The following ZSWIM4 variants were observed in gnomAD, a reference collection of about 807,000 sequenced individuals.
ZSWIM4 encodes zinc finger SWIM domain-containing protein 4.
In ZSWIM4, 62 loss-of-function variants were observed where a neutral mutation model predicts 102.5. The observed-to-expected ratio is 0.60, with a 90% CI of 0.49 to 0.75. The LOEUF is 0.75. ZSWIM4 is among the 30% of genes least tolerant of loss of function. The pLI is 0.00. For missense variants in ZSWIM4, 1,280 were observed against 1,529.6 expected, an observed-to-expected ratio of 0.84 and a Z score of 2.72; for synonymous variants, 652 against 674.5, an observed-to-expected ratio of 0.97 and a Z score of 0.52.
intron 3 of ZSWIM4, among the ~76,000 whole-genome samples, chr19:13,805,429 C>A (rs904429608): frequency 1.3e-5 from 2 of 151,908 alleles, no homozygotes; most frequent in African/African-American, 4.8e-5. Context: ...GGTCTGGCCC[C>A]AGGGCTGGGT....
At chr19:13,799,290 T>C (rs948825289) in intron 1 of ZSWIM4, among the ~76,000 whole-genome samples, 81 of 129,846 alleles carry the variant, frequency 6.2e-4, no homozygotes, top group African/African-American at 1.9e-3. Context: ...TTTTTTTTTT[T>C]CGAGATGCAG....
chr19:13,811,208 G>C (rs556098624), intron 5 of ZSWIM4, among the ~76,000 whole-genome samples: 2 of 150,304 alleles, frequency 1.3e-5, no homozygotes, highest in East Asian at 4.1e-4. Flanking sequence ...CCACCGCACC[G>C]GCCAACATGT....
chr19:13,797,545 C>T (rs1008249132), intron 1 of ZSWIM4, among the ~76,000 whole-genome samples: 1 of 152,288 alleles, frequency 6.6e-6, no homozygotes, highest in African/African-American at 2.4e-5. Flanking sequence ...TTTTAGCTTC[C>T]CTAGGCCACA....
intron 2 of ZSWIM4, among the ~76,000 whole-genome samples, chr19:13,803,903 C>T (rs1974841762): frequency 6.7e-6 from 1 of 150,062 alleles, no homozygotes; most frequent in Non-Finnish European, 1.5e-5. Context: ...ATTCTGTTAC[C>T]CAGGCTGGAG....
At position 13,817,965 on chromosome 19, in the gene ZSWIM4, T is replaced by G. The variant is rs1568339454; in HGVS notation, c.1913T>G (p.Leu638Arg). The change falls in exon 9 of 14, where the codon CTG (leucine) becomes CGG (arginine). Residue 638 changes from leucine to arginine, a missense_variant. Physicochemically the swap from Leu to Arg is moderately radical, Grantham distance 102. Coordinates refer to ENST00000590508, the MANE Select transcript of ZSWIM4 (RefSeq NM_001367834.3). ...LVQVLRKQAG[L>R]LLEGGPFSGF... The stretch of plus-strand genomic sequence containing the variant: ...CAGGTGCTGCGCAAGCAGGCGGGGC[T>G]GCTGCTGGAAGGTGAGGCCGCGCCC... 1 of 1,512,768 alleles carries G rather than the reference T, an allele frequency of 6.6e-7. No individual in the cohort carries two copies. 93.7% of individuals were successfully genotyped at this position (1,512,768 alleles called of 1,614,324 possible).
At chr19:13,814,054 C>T (rs754717661) in intron 6 of ZSWIM4, among the ~76,000 whole-genome samples, 1 of 150,810 alleles carries the variant, frequency 6.6e-6, no homozygotes, top group Non-Finnish European at 1.5e-5. Context: ...AACACATACA[C>T]GCATCCTTTT....
chr19:13,796,895 T>C (rs1974626803), intron 1 of ZSWIM4: 1 of 152,416 alleles, frequency 6.6e-6, no homozygotes, highest in African/African-American at 2.4e-5. Flanking sequence ...CCTGGACGGA[T>C]GGGTTTGGGC....
At position 13,828,681 on chromosome 19, in the gene ZSWIM4, C is replaced by T. The variant is rs1426906948; in HGVS notation, c.2416C>T (p.Arg806Trp). The T allele has an allele frequency of 1.2e-6, 2 of 1,613,960 alleles. No homozygotes were observed. The highest frequency in any genetic ancestry group is 2.2e-5 in the East Asian group (1 of 44,890). ...RMTLNVMTWR[R>W]REMVRWLVSC... is the part of the protein sequence containing the mutation. ...GACTCTGAACGTAATGACCTGGCGG[C>T]GGAGGGAGATGGTGCGCTGGCTGGT... is the stretch of plus-strand genomic sequence containing the variant. The change falls in exon 13 of 14, where the codon CGG becomes TGG. Residue 806 changes from arginine to tryptophan, a missense_variant. Physicochemically the swap from Arg to Trp is moderately radical, Grantham distance 101 (BLOSUM62 -3). Coordinates refer to ENST00000590508, the MANE Select transcript of ZSWIM4 (RefSeq NM_001367834.3).
At position 13,830,775 on chromosome 19, in the gene ZSWIM4, C is replaced by T. The variant is rs776380959; in HGVS notation, c.3046C>T (p.Arg1016Cys). The T allele has an allele frequency of 9.3e-6, 15 of 1,605,036 alleles. No homozygotes were observed. In the South Asian group the frequency reaches 1.0e-4, roughly 11 times the overall value. ...GCCCGGTCTGGGCCCCTTAGGGGCA[C>T]GCCGGGCCGCCAAGCCACTGGGTGC... ...SAPGLGPLGA[R>C]RAAKPLGADR... Residue 1016 changes from arginine (R) to cysteine (C), a missense_variant, in exon 14 of 14, where the codon CGC (arginine) becomes TGC (cysteine). Coordinates refer to ENST00000590508, the MANE Select transcript of ZSWIM4 (RefSeq NM_001367834.3).
chr19:13,805,447 T>C (rs1974894364), intron 3 of ZSWIM4, among the ~76,000 whole-genome samples: 1 of 151,748 alleles, frequency 6.6e-6, no homozygotes, highest in Non-Finnish European at 1.5e-5. Context: ...GGTATGTCAA[T>C]AGATGGAGCA....
chr19:13,817,069 A>C, intron 7 of ZSWIM4, 147 bp from the exon 8 acceptor site: 1 of 1,155,676 alleles, frequency 8.7e-7, no homozygotes, highest in South Asian at 1.7e-5. Context: ...CCCCACCTCA[A>C]AAAAAAAAGT....
chr19:13,821,548 C>T (rs56199106), intron 10 of ZSWIM4, among the ~76,000 whole-genome samples: 1 of 151,808 alleles, frequency 6.6e-6, no homozygotes, highest in African/African-American at 2.4e-5. Context: ...CCATCTCTCT[C>T]TTTTTTTTGT....
At chr19:13,815,899 C>T (rs111495828) in intron 7 of ZSWIM4, among the ~76,000 whole-genome samples, 2,695 of 150,164 alleles carry the variant, frequency 0.018, 81 homozygotes, top group African/African-American at 0.063. Context: ...GCCAAGATTA[C>T]ACCACTGCAC....
rs1975773358 is a variant in ZSWIM4, at chr19:13,831,749, C to T, written c.*699C>T. 1 of 152,598 alleles carries T rather than the reference C, an allele frequency of 6.6e-6. No homozygotes were observed. The highest frequency in any genetic ancestry group is 2.4e-5 in the African/African-American group (1 of 41,452). 9.5% of individuals were successfully genotyped at this position (152,598 alleles called of 1,614,324 possible). A position where few individuals can be genotyped will look rare whatever the true frequency, so the allele number is the denominator to read the frequency against. ...GCGAGGCTCACACTGCCCCTTCCAA[C>T]CTGGGGTTGGGGGACACAGACGCGA... On this transcript the variant is annotated 3_prime_UTR_variant, in exon 14 of 14. Transcript: ENST00000590508.
intron 5 of ZSWIM4, among the ~76,000 whole-genome samples, chr19:13,810,141 C>G (rs900128454): frequency 6.6e-5 from 10 of 151,386 alleles, no homozygotes; most frequent in African/African-American, 1.7e-4. Flanking sequence ...ACTACAGGCA[C>G]CCGCCACTAA....
intron 12 of ZSWIM4, among the ~76,000 whole-genome samples, chr19:13,826,690 A>T (rs758800370): frequency 4.1e-4 from 63 of 152,162 alleles, no homozygotes; most frequent in Non-Finnish European, 8.7e-4. Context: ...GCTTGAACCC[A>T]GGAGGGAGAG....
intron 2 of ZSWIM4, among the ~76,000 whole-genome samples, chr19:13,800,886 G>A: frequency 6.6e-6 from 1 of 152,144 alleles, no homozygotes; most frequent in Non-Finnish European, 1.5e-5. Context: ...TCACACCTGT[G>A]ATCTCAACAC....
At chr19:13,828,306 G>A (rs1406165050) in intron 12 of ZSWIM4, among the ~76,000 whole-genome samples, 1 of 152,080 alleles carries the variant, frequency 6.6e-6, no homozygotes, top group Admixed American at 6.6e-5. Flanking sequence ...CTACTTGGGA[G>A]CCTGAGGCAG....
At chr19:13,802,268 G>A (rs928142276) in intron 2 of ZSWIM4, among the ~76,000 whole-genome samples, 71 of 137,424 alleles carry the variant, frequency 5.2e-4, no homozygotes, top group African/African-American at 1.9e-3. Context: ...GAGCCACCAC[G>A]CCTGGCCAAA....
Sources: allele counts gnomAD v4.1 joint callset (sites outside exome capture counted in the v4.1 genomes callset), GRCh38; gene constraint gnomAD v4.1.1; transcripts MANE v1.5; gene names NCBI Gene and HGNC (gene_info 2026-07-23, HGNC 2026-07-21).